Variants in ORC1 observed in about 807,000 individuals in gnomAD.
The protein encoded by ORC1 is origin recognition complex, subunit 1 homolog.
A neutral mutation model predicts 98.9 loss-of-function variants in ORC1; 61 were observed. That is an observed-to-expected ratio of 0.62 (90% CI 0.50 to 0.76). The LOEUF (loss-of-function observed/expected upper bound fraction) is 0.76. ORC1 is among the 30% of genes least tolerant of loss of function. The pLI is 0.00. For missense variants in ORC1, 979 were observed against 1,072.2 expected, an observed-to-expected ratio of 0.91 and a Z score of 1.21; for synonymous variants, 385 against 406.9, an observed-to-expected ratio of 0.95 and a Z score of 0.65.
At chr1:52,376,579 C>A (rs1026671085) in intron 14 of ORC1, among the ~76,000 whole-genome samples, 2 of 152,112 alleles carry the variant, frequency 1.3e-5, no homozygotes, top group African/African-American at 4.8e-5. Flanking sequence ...CTCTAATCCC[C>A]AGTATTGAAC....
At chr1:52,400,401 G>T (rs1388809042) in intron 3 of ORC1, among the ~76,000 whole-genome samples, 1 of 152,148 alleles carries the variant, frequency 6.6e-6, no homozygotes, top group African/African-American at 2.4e-5. Flanking sequence ...CTTATGACTT[G>T]TTTTTTTCTG....
At chr1:52,406,288 T>G (rs556339095), upstream of ORC1, among the ~76,000 whole-genome samples, 1 of 152,218 alleles carries the variant, frequency 6.6e-6, no homozygotes, top group East Asian at 1.9e-4. Flanking sequence ...CACCACACCC[T>G]GCCAAGTTTG....
intron 14 of ORC1, among the ~76,000 whole-genome samples, chr1:52,376,512 T>G (rs901149348): frequency 2.0e-5 from 3 of 151,612 alleles, no homozygotes; most frequent in African/African-American, 7.3e-5. Context: ...AAAAAAAAAA[T>G]CACTTTCCAA....
intron 8 of ORC1, among the ~76,000 whole-genome samples, chr1:52,388,117 T>C (rs901988623): frequency 2.6e-5 from 4 of 152,138 alleles, no homozygotes; most frequent in African/African-American, 4.8e-5. Flanking sequence ...TGGCCGTACA[T>C]GCGATACCCA....
chr1:52,407,964 G>C (rs1017694619), upstream of ORC1, among the ~76,000 whole-genome samples: 6 of 152,278 alleles, frequency 3.9e-5, no homozygotes, highest in Non-Finnish European at 8.8e-5. Flanking sequence ...GCTGAGGCAG[G>C]AGAATCGCTT....
chr1:52,373,609 T>C (rs1646961787), intron 16 of ORC1, among the ~76,000 whole-genome samples: 1 of 152,178 alleles, frequency 6.6e-6, no homozygotes, highest in South Asian at 2.1e-4. Flanking sequence ...TACCTAAATA[T>C]GTAGACCTGG....
In ORC1 at chr1:52,391,880, A is replaced by T. The variant is rs187221158; in HGVS notation, c.1082+1563T>A. 1.4e-4 allele frequency among the ~76,000 whole-genome samples: 21 copies of T among 151,620 alleles called. No homozygotes were observed. In the East Asian group the frequency reaches 4.1e-3, roughly 30 times the overall value. On this transcript the variant is annotated intron_variant, in intron 6 of 16. Coordinates refer to ENST00000371568, the MANE Select transcript of ORC1 (RefSeq NM_004153.4). ...ACCACTGCACTCTAGCCTGGGCAAC[A>T]GAGCAAGACTCCCGCTCAAAAAAAA... is the stretch of plus-strand genomic sequence containing the variant.
chr1:52,374,305 AAAACATACATACAC>A (rs1426847786), intron 16 of ORC1, among the ~76,000 whole-genome samples: 1 of 152,266 alleles, frequency 6.6e-6, no homozygotes, highest in Non-Finnish European at 1.5e-5. Flanking sequence ...AAAGATGTCT[AAAACATACATACAC>A]AAACATACAC....
At chr1:52,379,312 C>T (rs1359906988) in intron 14 of ORC1, among the ~76,000 whole-genome samples, 10 of 149,328 alleles carry the variant, frequency 6.7e-5, no homozygotes, top group Non-Finnish European at 7.4e-5. Context: ...GGTGCGATCT[C>T]GGCTCACTGC....
Position 52,397,709 on chromosome 1 carries a change from C to T in ORC1, c.378G>A (p.Ala126=), listed in dbSNP as rs761225407. 12 of 1,614,056 alleles carry T rather than the reference C, an allele frequency of 7.4e-6. No homozygotes were observed. Among genetic ancestry groups the T allele is most frequent in the East Asian group, 2.2e-5 (1 of 44,900 alleles). ...DYPACDSNIN[A]ETIIGLVRVI... ...CCCGAACAAGGCCAATGATGGTCTC[C>T]GCATTAATGTTGCTGTCACAGGCCG... The change falls in exon 4 of 17, where the codon GCG becomes GCA. Residue 126 remains alanine, a synonymous_variant. Transcript: ENST00000371568.
chr1:52,400,173 T>A (rs1647635088), intron 3 of ORC1, among the ~76,000 whole-genome samples: 1 of 152,202 alleles, frequency 6.6e-6, no homozygotes, highest in Non-Finnish European at 1.5e-5. Flanking sequence ...ATCCTCCTTA[T>A]CTATGTGCAG....
intron 13 of ORC1, among the ~76,000 whole-genome samples, chr1:52,382,877 G>A (rs1386940135): frequency 6.6e-6 from 1 of 151,910 alleles, no homozygotes; most frequent in African/African-American, 2.4e-5. Context: ...ACTGTGCCCA[G>A]CCTAAAACAT....
chr1:52,381,847 C>A, intron 13 of ORC1, 86 bp from the exon 14 acceptor site: 1 of 1,374,934 alleles, frequency 7.3e-7, no homozygotes, highest in Non-Finnish European at 1.0e-6. Flanking sequence ...CCCCCAAACC[C>A]AATTCCCAGG....
At chr1:52,389,876 G>C (rs1482750588) in intron 6 of ORC1, among the ~76,000 whole-genome samples, 1 of 152,084 alleles carries the variant, frequency 6.6e-6, no homozygotes, top group Non-Finnish European at 1.5e-5. Flanking sequence ...ATGAGTCCTA[G>C]CCAGAGCAAT....
intron 14 of ORC1, among the ~76,000 whole-genome samples, chr1:52,376,295 A>G (rs1350297292): frequency 6.6e-6 from 1 of 152,148 alleles, no homozygotes; most frequent in African/African-American, 2.4e-5. Flanking sequence ...CAGGTGGATC[A>G]CTTGAGGTCA....
rs189953667 is a variant in ORC1, at chr1:52,374,009, C to G, written c.2392-634G>C. Among the ~76,000 whole-genome samples the G allele has an allele frequency of 8.5e-5, 13 of 152,320 alleles. No homozygotes were observed. In the East Asian group the frequency reaches 2.3e-3, roughly 27 times the overall value. ...ATTCTAAATATCTATGAGTCTATCCCCGTCCCAGCCCCAAGACTGGGAGTT... is the reference window on the plus strand; with the variant it reads ...ATTCTAAATATCTATGAGTCTATCCGCGTCCCAGCCCCAAGACTGGGAGTT... On this transcript the variant is annotated intron_variant, in intron 16 of 16. Coordinates refer to ENST00000371568, the MANE Select transcript of ORC1 (RefSeq NM_004153.4).
At chr1:52,388,767 C>G (rs923478527) in intron 7 of ORC1, 130 bp from the exon 8 acceptor site, 2 of 772,672 alleles carry the variant, frequency 2.6e-6, no homozygotes, top group South Asian at 2.9e-5. Flanking sequence ...TGCTTGCTAC[C>G]GAGACACTCT....
upstream of ORC1, chr1:52,404,811 T>C: frequency 6.2e-7 from 1 of 1,614,180 alleles, no homozygotes; most frequent in Non-Finnish European, 8.5e-7. Flanking sequence ...CAATATCTGG[T>C]GGAGAAGATC....
intron 14 of ORC1, among the ~76,000 whole-genome samples, chr1:52,380,626 C>T (rs1477898866): frequency 2.0e-5 from 3 of 150,724 alleles, no homozygotes; most frequent in Admixed American, 6.6e-5. Context: ...ACCTAGAAGG[C>T]GGAGGTTGCA....
Sources: gnomAD v4.1 joint callset for allele counts (sites outside exome capture counted in the v4.1 genomes callset) on GRCh38, gnomAD v4.1.1 for gene constraint, MANE v1.5 for transcripts, NCBI Gene and HGNC (gene_info 2026-07-23, HGNC 2026-07-21) for gene names.